Variants in SMYD3 observed in about 807,000 individuals in gnomAD.
The protein encoded by SMYD3 is histone-lysine N-methyltransferase SMYD3.
In SMYD3, 36 loss-of-function variants were observed where a neutral mutation model predicts 57.7. The ratio of observed to expected loss-of-function variants is 0.62; its 90% CI spans 0.48 to 0.82. The LOEUF is 0.82. Among genes scored for constraint, SMYD3 ranks in the 40% least tolerant of loss-of-function variants. The pLI, the probability that SMYD3 is intolerant of heterozygous loss-of-function variation, is 0.00. For synonymous variants in SMYD3, 211 were observed against 195.0 expected, an observed-to-expected ratio of 1.08 and a Z score of -0.68; for missense variants, 515 against 538.8, an observed-to-expected ratio of 0.96 and a Z score of 0.44.
intron 5 of SMYD3, among the ~76,000 whole-genome samples, chr1:246,080,613 G>A (rs748411298): frequency 6.6e-6 from 1 of 152,048 alleles, no homozygotes; most frequent in African/African-American, 2.4e-5. Flanking sequence ...GGAGAAAAAA[G>A]AACTATTATT....
intron 10 of SMYD3, among the ~76,000 whole-genome samples, chr1:245,846,538 T>C (rs2050675316): frequency 6.6e-6 from 1 of 152,192 alleles, no homozygotes; most frequent in Non-Finnish European, 1.5e-5. Context: ...AATGAATCCA[T>C]GGCCTGAGTT....
intron 5 of SMYD3, among the ~76,000 whole-genome samples, chr1:246,074,935 CA>C (rs1558205019): frequency 4.7e-4 from 46 of 98,728 alleles, no homozygotes; most frequent in African/African-American, 1.1e-3. Context: ...CACACACACA[CA>C]CACACACACA....
At chr1:245,960,027 C>T (rs761436062) in intron 5 of SMYD3, among the ~76,000 whole-genome samples, 2 of 152,182 alleles carry the variant, frequency 1.3e-5, no homozygotes, top group Admixed American at 6.5e-5. Flanking sequence ...GATCCACCAG[C>T]CTCAGCCTCC....
rs1303536341 is a variant in SMYD3, at chr1:246,507,268, G to A, written c.-51C>T. The A allele has an allele frequency of 2.1e-6, 3 of 1,445,930 alleles. No homozygotes were observed. Among genetic ancestry groups the A allele is most frequent in the Non-Finnish European group, 1.8e-6 (2 of 1,093,048 alleles). 89.6% of individuals were successfully genotyped at this position (1,445,930 alleles called of 1,614,324 possible). On this transcript the variant is annotated 5_prime_UTR_variant, in exon 1 of 12. In the 5' UTR this introduces an upstream ATG that the reference lacks. Transcript: ENST00000490107. ...CGGCTACCCGCGTCCAGCAGCGGGC[G>A]TCTCACGGGCTGCCGGGACCCGCGC...
rs368207966 is a variant in SMYD3 at position 245,962,724 on chromosome 1, G to C, written c.532-32787C>G. Among the ~76,000 whole-genome samples, 26 of 149,220 alleles carry C rather than the reference G, an allele frequency of 1.7e-4. 4 individuals are homozygous for C. The East Asian group carries it at 3.6e-3, about 21-fold the overall frequency. On this transcript the variant is annotated intron_variant, in intron 5 of 11. Coordinates refer to ENST00000490107, the MANE Select transcript of SMYD3 (RefSeq NM_001167740.2). Reference sequence around the variant, plus strand: ...AACAACCGCAAAACCAATCATTGCTGTGTTGTTTCACTATGTTTCTAGAAA... The same window carrying C: ...AACAACCGCAAAACCAATCATTGCTCTGTTGTTTCACTATGTTTCTAGAAA...
chr1:246,242,932 G>A (rs1271181978), intron 5 of SMYD3, among the ~76,000 whole-genome samples: 2 of 152,250 alleles, frequency 1.3e-5, no homozygotes, highest in Middle Eastern at 3.4e-3. Flanking sequence ...ACCCAATACA[G>A]AAGCACCCAG....
At chr1:245,800,361 G>A (rs532241331) in intron 10 of SMYD3, among the ~76,000 whole-genome samples, 2 of 151,930 alleles carry the variant, frequency 1.3e-5, no homozygotes, top group South Asian at 2.1e-4. Context: ...ACTATATTTT[G>A]GTAATGATGT....
rs200401623 is a variant in SMYD3 at position 245,821,783 on chromosome 1, G to A, written c.1076+36713C>T. ...AAAGAAGACATTTATGCAGCCAAAA[G>A]ACACATGAAAACATGCTCATCATCA... On this transcript the variant is annotated intron_variant, in intron 10 of 11. Coordinates refer to ENST00000490107, the MANE Select transcript of SMYD3 (RefSeq NM_001167740.2). Among the ~76,000 whole-genome samples, 9 of 151,920 alleles carry A rather than the reference G, an allele frequency of 5.9e-5. No individual in the cohort carries two copies. The East Asian group carries it at 1.7e-3, about 29-fold the overall frequency.
intron 1 of SMYD3, among the ~76,000 whole-genome samples, chr1:246,441,609 T>C (rs1400481203): frequency 6.6e-6 from 1 of 152,186 alleles, no homozygotes; most frequent in Non-Finnish European, 1.5e-5. Flanking sequence ...TATTTCTTTC[T>C]TTCTTTGTTT....
chr1:246,473,150 C>A (rs908439374), intron 1 of SMYD3, among the ~76,000 whole-genome samples: 5 of 152,094 alleles, frequency 3.3e-5, no homozygotes, highest in Admixed American at 6.5e-5. Context: ...AGTCACTGCA[C>A]CCGGCCTAAT....
chr1:245,903,900 G>A (rs554915074), intron 8 of SMYD3, among the ~76,000 whole-genome samples: 6 of 152,200 alleles, frequency 3.9e-5, no homozygotes, highest in Non-Finnish European at 7.3e-5. Flanking sequence ...CCTGTGATGG[G>A]AGGGGCTGCT....
chr1:245,855,732 A>G (rs1229260095), intron 10 of SMYD3, among the ~76,000 whole-genome samples: 1 of 152,240 alleles, frequency 6.6e-6, no homozygotes, highest in Non-Finnish European at 1.5e-5. Context: ...TTGAGTAAAA[A>G]TAAATGAGAG....
At position 246,395,709 on chromosome 1, in the gene SMYD3, G is replaced by A. The variant is rs1298711098; in HGVS notation, c.165-40615C>T. 9.5e-5 allele frequency among the ~76,000 whole-genome samples: 3 copies of A among 31,550 alleles called. 1 individual carries two copies. Among genetic ancestry groups the A allele is most frequent in the Non-Finnish European group, 3.1e-4 (3 of 9,524 alleles). The allele number at this position is 31,550 out of a possible 152,430, so 20.7% of individuals were successfully genotyped here. A position where few individuals can be genotyped will look rare whatever the true frequency, so the allele number is the denominator to read the frequency against. On this transcript the variant is annotated intron_variant, in intron 1 of 11. Transcript: ENST00000490107. ...AAGACGAACCCACCATGGCTGGACA[G>A]GGAAGACGAACACACCAGTCAGACA...
At chr1:246,298,167 G>GAAAT (rs1182309988) in intron 5 of SMYD3, among the ~76,000 whole-genome samples, 1 of 151,346 alleles carries the variant, frequency 6.6e-6, no homozygotes, top group Non-Finnish European at 1.5e-5. Context: ...CAGCTAAAGA[G>GAAAT]AAATAAGAAA....
intron 5 of SMYD3, among the ~76,000 whole-genome samples, chr1:246,121,668 G>A (rs1022108147): frequency 2.6e-5 from 4 of 152,172 alleles, no homozygotes; most frequent in East Asian, 1.9e-4. Flanking sequence ...TACTGAACCC[G>A]TCTAATGGAA....
chr1:246,248,015 G>A (rs766892911), intron 5 of SMYD3, among the ~76,000 whole-genome samples: 13 of 152,078 alleles, frequency 8.5e-5, no homozygotes, highest in Admixed American at 2.0e-4. Flanking sequence ...GAAACCAACC[G>A]TTGCAGAGAT....
chr1:246,252,550 T>TA (rs551699458), intron 5 of SMYD3, among the ~76,000 whole-genome samples: 8 of 151,900 alleles, frequency 5.3e-5, no homozygotes, highest in South Asian at 2.1e-4. Context: ...GGTTTCTGTT[T>TA]AAAAAAAAAT....
At chr1:245,850,448 T>C (rs1400504716) in intron 10 of SMYD3, among the ~76,000 whole-genome samples, 2 of 152,208 alleles carry the variant, frequency 1.3e-5, no homozygotes, top group East Asian at 3.9e-4. Context: ...TCCCAGAACT[T>C]TGGGAGGCCA....
chr1:246,483,241 T>A (rs143975747), intron 1 of SMYD3, among the ~76,000 whole-genome samples: 5 of 152,356 alleles, frequency 3.3e-5, no homozygotes, highest in Admixed American at 6.5e-5. Flanking sequence ...AAGCTGTTGA[T>A]AAGTCCTTGA....
Sources: allele counts gnomAD v4.1 joint callset (sites outside exome capture counted in the v4.1 genomes callset), GRCh38; gene constraint gnomAD v4.1.1; transcripts MANE v1.5; gene names NCBI Gene and HGNC (gene_info 2026-07-23, HGNC 2026-07-21).